Variants in DMD observed in about 807,000 individuals in gnomAD.
DMD encodes the protein dystrophin.
Under a neutral mutation model 330.1 loss-of-function variants are expected in DMD, and 63 were observed. The ratio of observed to expected loss-of-function variants is 0.19; its 90% CI spans 0.16 to 0.24. The LOEUF (loss-of-function observed/expected upper bound fraction) is 0.24, where lower values mean the gene tolerates loss of function less well. Ranked by LOEUF, DMD falls within the 10% of genes least tolerant of loss-of-function variation. The pLI is 1.00. For missense variants in DMD, 3,344 were observed against 2,684.1 expected (o/e 1.25, Z -5.43); for synonymous variants, 1,223 against 959.8 (o/e 1.27, Z -5.07).
intron 44 of DMD, among the ~76,000 whole-genome samples, chrX:32,134,072 A>G (rs1362140673): frequency 9.0e-6 from 1 of 111,336 alleles, no homozygotes. Context: ...ATACCATGAT[A>G]CCCTATTTAA....
At chrX:31,468,652 G>T (rs1334228599) in intron 59 of DMD, among the ~76,000 whole-genome samples, 2 of 111,626 alleles carry the variant, frequency 1.8e-5, no homozygotes, top group African/African-American at 3.3e-5. Flanking sequence ...GATTTGGGGT[G>T]GGGAGTTCTG....
At position 31,381,553 on chromosome X, in the gene DMD, A is replaced by G. The variant is rs183861718; in HGVS notation, c.9085-32919T>C. Among the ~76,000 whole-genome samples, 1,042 of 111,362 alleles carry G rather than the reference A, an allele frequency of 9.4e-3. 1 individual carries two copies. Among genetic ancestry groups the G allele is most frequent in the South Asian group, 0.024 (64 of 2,626 alleles). On this transcript the variant is annotated intron_variant, in intron 60 of 78. Transcript: ENST00000357033. ...CCACAATTACCATTGTTCCTGGCCC[A>G]GACTTCAATCCGGCCTCCCACATTA...
At chrX:31,453,784 A>AAAAAAAAAAAAAAAAAAAAAT (rs2065949684) in intron 59 of DMD, among the ~76,000 whole-genome samples, 1 of 105,157 alleles carries the variant, frequency 9.5e-6, no homozygotes, top group Non-Finnish European at 1.9e-5. Context: ...AAAAAAAAAA[A>AAAAAAAAAAAAAAAAAAAAAT]AAAAAACCAC....
At chrX:32,149,170 G>A (rs933100676) in intron 44 of DMD, among the ~76,000 whole-genome samples, 10 of 111,458 alleles carry the variant, frequency 9.0e-5, no homozygotes, top group Non-Finnish European at 1.9e-4. Flanking sequence ...TGTCTCCAAG[G>A]TTTTCTCGTG....
intron 9 of DMD, among the ~76,000 whole-genome samples, chrX:32,686,764 AAATT>A (rs1405864222): frequency 1.8e-5 from 2 of 111,031 alleles, no homozygotes; most frequent in African/African-American, 3.3e-5. Flanking sequence ...GATTGTAATA[AAATT>A]AATGCAAAAA....
In DMD at chrX:31,968,098, GATTT is replaced by G. The variant is rs749352863; in HGVS notation, c.6614+237_6614+240del. ...TATTCACCTTTAAGCAATCATGGGT[GATTT>G]TTAAAGCAAACTTCAAGTTTAAAAT... On this transcript the variant is annotated intron_variant, in intron 45 of 78. Transcript: ENST00000357033. Among the ~76,000 whole-genome samples the G allele has an allele frequency of 6.0e-3, 673 of 111,263 alleles. 8 individuals carry two copies. Among genetic ancestry groups the G allele is most frequent in the African/African-American group, 0.021 (643 of 30,658 alleles).
intron 43 of DMD, among the ~76,000 whole-genome samples, chrX:32,253,625 CTTT>C (rs200535114): frequency 6.7e-5 from 6 of 88,999 alleles, no homozygotes; most frequent in Non-Finnish European, 4.4e-5. Flanking sequence ...TTGATTTAAT[CTTT>C]TTTTTTTTTT....
At chrX:32,124,759 A>G in intron 44 of DMD, among the ~76,000 whole-genome samples, 1 of 110,966 alleles carries the variant, frequency 9.0e-6, no homozygotes. Context: ...GCACTAGGAC[A>G]GCATGCAGCA....
intron 2 of DMD, among the ~76,000 whole-genome samples, chrX:32,930,073 G>A (rs1009713351): frequency 7.2e-5 from 8 of 111,537 alleles, no homozygotes. Flanking sequence ...GTACATCATA[G>A]GTTAGCCTAG....
intron 17 of DMD, among the ~76,000 whole-genome samples, chrX:32,535,975 G>T (rs780447907): frequency 9.0e-6 from 1 of 111,426 alleles, no homozygotes; most frequent in East Asian, 2.8e-4. Context: ...TGTTAAAAAG[G>T]CTGAGAAGTG....
intron 43 of DMD, among the ~76,000 whole-genome samples, chrX:32,232,887 G>A (rs1443905046): frequency 9.0e-6 from 1 of 111,363 alleles, no homozygotes; most frequent in Non-Finnish European, 1.9e-5. Context: ...ATAAGCAGAA[G>A]CAACATTTTA....
rs1168436232 is a variant in DMD, at chrX:31,119,870, GAAGGAAAAAGAAAGAATTATA to G, written c.*2028_*2048del. 4.5e-5 allele frequency: 5 copies of G among 111,195 alleles called. No individual in the cohort carries two copies. The highest frequency in any genetic ancestry group is 2.9e-4 in the Admixed American group (3 of 10,390). 9.2% of individuals were successfully genotyped at this position (111,195 alleles called of 1,213,427 possible). On this transcript the variant is annotated 3_prime_UTR_variant, in exon 79 of 79. Transcript: ENST00000357033. ...CTTTGGGTTTTCTTTTGAAAATTAT[GAAGGAAAAAGAAAGAATTATA>G]AAGGAAAAAGAAAATAACGCAATGG...
At chrX:31,155,196 G>A (rs1186879488) in intron 74 of DMD, among the ~76,000 whole-genome samples, 1 of 112,415 alleles carries the variant, frequency 8.9e-6, no homozygotes, top group Non-Finnish European at 1.9e-5. Flanking sequence ...TAACTATTAT[G>A]TATGATAAAG....
At chrX:32,298,331 A>T (rs2148516560) in intron 42 of DMD, among the ~76,000 whole-genome samples, 2 of 110,746 alleles carry the variant, frequency 1.8e-5, no homozygotes, top group African/African-American at 6.6e-5. Flanking sequence ...GTGGCCAATT[A>T]CATGTGTGTT....
rs773102625 is a variant in DMD at position 31,774,052 on chromosome X, C to G, written c.7450G>C (p.Asp2484His). Residue 2484 changes from aspartate (D) to histidine (H), a missense_variant, in exon 51 of 79, where the codon GAC becomes CAC. Transcript: ENST00000357033. ...ACTTGATCAAGCAGAGAAAGCCAGTCGGTAAGTTCTGTCCAAGCCCGGTTG... is the reference window on the plus strand; with the variant it reads ...ACTTGATCAAGCAGAGAAAGCCAGTGGGTAAGTTCTGTCCAAGCCCGGTTG... ...DFNRAWTELT[D>H]WLSLLDQVIK... The G allele has an allele frequency of 5.8e-6, 7 of 1,208,015 alleles. No individual in the cohort carries two copies. In the African/African-American group the frequency reaches 1.2e-4, roughly 21 times the overall value.
At chrX:31,352,672 G>C (rs2058490784) in intron 60 of DMD, among the ~76,000 whole-genome samples, 1 of 112,018 alleles carries the variant, frequency 8.9e-6, no homozygotes, top group African/African-American at 3.2e-5. Context: ...TCAAACTTAA[G>C]AGAAGGTATG....
intron 7 of DMD, among the ~76,000 whole-genome samples, chrX:32,800,590 G>A (rs2076484526): frequency 9.0e-6 from 1 of 111,111 alleles, no homozygotes; most frequent in Admixed American, 9.6e-5. Context: ...TAAGTTTTGG[G>A]ATACATGTGC....
intron 1 of DMD, among the ~76,000 whole-genome samples, chrX:33,131,252 C>G (rs1238466552): frequency 9.0e-6 from 1 of 110,918 alleles, no homozygotes; most frequent in Non-Finnish European, 1.9e-5. Context: ...CCCCTAGACC[C>G]GTGGTTCTCC....
chrX:31,817,821 T>C (rs1398784331), intron 50 of DMD, among the ~76,000 whole-genome samples: 1 of 111,907 alleles, frequency 8.9e-6, no homozygotes, highest in Non-Finnish European at 1.9e-5. Flanking sequence ...CTAGTCTCAC[T>C]GATCTCCTTA....
Sources: gnomAD v4.1 joint callset for allele counts (sites outside exome capture counted in the v4.1 genomes callset) on GRCh38, gnomAD v4.1.1 for gene constraint, MANE v1.5 for transcripts, NCBI Gene and HGNC (gene_info 2026-07-23, HGNC 2026-07-21) for gene names.